ZNF618: variants seen among roughly 807,000 people sequenced by gnomAD.
ZNF618 encodes neural precursor cell expressed, developmentally down-regulated 10.
In ZNF618, 34 loss-of-function variants were observed where a neutral mutation model predicts 103.0. That is an observed-to-expected ratio of 0.33 (90% confidence interval 0.25 to 0.44). The LOEUF is 0.44. Ranked by LOEUF, ZNF618 falls within the 20% of genes least tolerant of loss-of-function variation. The pLI is 1.00. For missense variants in ZNF618, 1,059 were observed against 1,295.4 expected, an observed-to-expected ratio of 0.82 and a Z score of 2.80; for synonymous variants, 551 against 542.2, an observed-to-expected ratio of 1.02 and a Z score of -0.23.
intron 13 of ZNF618, among the ~76,000 whole-genome samples, chr9:114,036,841 G>T (rs1260851143): frequency 6.6e-6 from 1 of 152,246 alleles, no homozygotes; most frequent in Non-Finnish European, 1.5e-5. Context: ...CTATGTCCCA[G>T]AATGCAGTTG....
intron 1 of ZNF618, among the ~76,000 whole-genome samples, chr9:113,899,702 A>C (rs1461859879): frequency 6.6e-6 from 1 of 152,102 alleles, no homozygotes; most frequent in African/African-American, 2.4e-5. Flanking sequence ...GACTCTAGGT[A>C]CCTCATAGAA....
intron 1 of ZNF618, among the ~76,000 whole-genome samples, chr9:113,923,997 A>G (rs577784955): frequency 9.3e-4 from 141 of 152,192 alleles, no homozygotes; most frequent in African/African-American, 3.2e-3. Context: ...TGTTTGGATT[A>G]GGGATGCTAA....
At chr9:114,038,580 A>G (rs10124293) in intron 13 of ZNF618, among the ~76,000 whole-genome samples, 107,043 of 152,152 alleles carry the variant, frequency 0.7, 38,108 homozygotes, top group African/African-American at 0.78. Context: ...CTCATTATGG[A>G]GCTGCTGAAT....
At chr9:113,950,936 C>A (rs535119472) in intron 1 of ZNF618, among the ~76,000 whole-genome samples, 1 of 139,610 alleles carries the variant, frequency 7.2e-6, no homozygotes, top group African/African-American at 2.8e-5. Flanking sequence ...AGGGTGGCCT[C>A]GGTGGGAGCT....
intron 1 of ZNF618, among the ~76,000 whole-genome samples, chr9:113,924,017 A>G (rs1832865837): frequency 6.6e-6 from 1 of 152,068 alleles, no homozygotes; most frequent in African/African-American, 2.4e-5. Context: ...AACTTGCATT[A>G]GAGTAATGTT....
intron 1 of ZNF618, among the ~76,000 whole-genome samples, chr9:113,925,126 TG>T (rs1267945144): frequency 6.6e-6 from 1 of 152,086 alleles, no homozygotes; most frequent in African/African-American, 2.4e-5. Context: ...ATATTGATGG[TG>T]GATTTGTCTA....
At chr9:114,025,910 C>T (rs368098695) in intron 10 of ZNF618, among the ~76,000 whole-genome samples, 47 of 152,340 alleles carry the variant, frequency 3.1e-4, no homozygotes, top group Middle Eastern at 3.4e-3. Flanking sequence ...TTTCAGGGAA[C>T]GTGCCAAACA....
At chr9:113,999,754 G>A (rs1196720640) in intron 4 of ZNF618, among the ~76,000 whole-genome samples, 1 of 152,238 alleles carries the variant, frequency 6.6e-6, no homozygotes, top group African/African-American at 2.4e-5. Flanking sequence ...CCATCATCGT[G>A]CGTTGTCCCT....
intron 10 of ZNF618, among the ~76,000 whole-genome samples, chr9:114,024,182 ATCT>A (rs1231544196): frequency 6.6e-6 from 1 of 151,938 alleles, no homozygotes; most frequent in African/African-American, 2.4e-5. Flanking sequence ...AAGTTCACTG[ATCT>A]TCTCTTCTGT....
At chr9:113,891,464 A>G (rs1430343500) in intron 1 of ZNF618, among the ~76,000 whole-genome samples, 1 of 152,074 alleles carries the variant, frequency 6.6e-6, no homozygotes, top group Admixed American at 6.6e-5. Context: ...TATGGCTGTT[A>G]TTTTTTTTAA....
At chr9:113,999,719 A>G (rs971806166) in intron 4 of ZNF618, among the ~76,000 whole-genome samples, 8 of 152,202 alleles carry the variant, frequency 5.3e-5, no homozygotes, top group Non-Finnish European at 8.8e-5. Flanking sequence ...CTGTGCCCCC[A>G]GGCCCTGCAC....
At chr9:114,007,950 G>A (rs992696818) in intron 7 of ZNF618, among the ~76,000 whole-genome samples, 1 of 152,102 alleles carries the variant, frequency 6.6e-6, no homozygotes, top group African/African-American at 2.4e-5. Flanking sequence ...TGACAACCAG[G>A]CCCACCACCT....
intron 1 of ZNF618, among the ~76,000 whole-genome samples, chr9:113,932,385 C>T (rs868485503): frequency 1.3e-5 from 2 of 152,056 alleles, no homozygotes; most frequent in African/African-American, 4.8e-5. Context: ...TCATGGAGGC[C>T]ACTGGGAAGG....
chr9:114,008,220 G>A, intron 7 of ZNF618, 124 bp from the exon 8 acceptor site: 1 of 1,367,918 alleles, frequency 7.3e-7, no homozygotes, highest in East Asian at 2.4e-5. Context: ...GCCCTCCTGG[G>A]CCCCAAGGCA....
chr9:113,896,545 AAG>A (rs1485783907), intron 1 of ZNF618, among the ~76,000 whole-genome samples: 1 of 151,986 alleles, frequency 6.6e-6, no homozygotes, highest in Non-Finnish European at 1.5e-5. Context: ...CTGCTTGCGA[AAG>A]AAGTAATTTC....
rs569804730 is a variant in ZNF618 at position 113,901,409 on chromosome 9, G to A, written c.33+24996G>A. 2.0e-5 allele frequency among the ~76,000 whole-genome samples: 3 copies of A among 152,352 alleles called. No homozygotes were observed. In the East Asian group the frequency reaches 5.8e-4, roughly 29 times the overall value. ...CCGGTGCTTTGCCAGACACTTGCAG[G>A]GAACTGCTCTTGCGGCTGAGCTAGC... On this transcript the variant is annotated intron_variant, in intron 1 of 14. Coordinates refer to ENST00000374126, the MANE Select transcript of ZNF618 (RefSeq NM_001318042.2).
At chr9:114,046,663 C>T (rs1166652085) in intron 13 of ZNF618, among the ~76,000 whole-genome samples, 1 of 152,128 alleles carries the variant, frequency 6.6e-6, no homozygotes, top group Admixed American at 6.5e-5. Context: ...GCATGATGTT[C>T]GCTGTGGGGG....
chr9:113,973,330 A>G lies in ZNF618; in HGVS notation c.77+4170A>G, dbSNP rs148257853. 1.8e-3 allele frequency among the ~76,000 whole-genome samples: 280 copies of G among 152,238 alleles called. 3 individuals are homozygous for G. In the East Asian group the frequency reaches 0.043, roughly 23 times the overall value. On this transcript the variant is annotated intron_variant, in intron 2 of 14. Transcript: ENST00000374126. Reference sequence around the variant, plus strand: ...CTTCTACCCCCAGCTATGCTATGGCACACTCTGCTACTACGCCAGGGTCCG... The same window carrying G: ...CTTCTACCCCCAGCTATGCTATGGCGCACTCTGCTACTACGCCAGGGTCCG...
intron 1 of ZNF618, among the ~76,000 whole-genome samples, chr9:113,950,216 TC>T (rs1315135937): frequency 9.2e-5 from 14 of 152,182 alleles, no homozygotes; most frequent in African/African-American, 3.4e-4. Flanking sequence ...CAGGCTGGCA[TC>T]TCTGTAGCTT....
Sources: allele counts gnomAD v4.1 joint callset (sites outside exome capture counted in the v4.1 genomes callset), GRCh38; gene constraint gnomAD v4.1.1; transcripts MANE v1.5; gene names NCBI Gene and HGNC (gene_info 2026-07-23, HGNC 2026-07-21).